Variants in STXBP6 observed in about 807,000 individuals in gnomAD.
The protein encoded by STXBP6 is syntaxin-binding protein 6.
Under a neutral mutation model 26.9 loss-of-function variants are expected in STXBP6, and 21 were observed. That is an observed-to-expected ratio of 0.78 (90% CI 0.55 to 1.12). The LOEUF (loss-of-function observed/expected upper bound fraction) is 1.12, where lower values mean the gene tolerates loss of function less well. Among genes scored for constraint, STXBP6 ranks in the 50% most tolerant of loss-of-function variants. The pLI is 0.00. For synonymous variants in STXBP6, 97 were observed against 92.6 expected (o/e 1.05, Z -0.27); for missense variants, 232 against 257.9 (o/e 0.90, Z 0.69).
chr14:24,898,797 T>G (rs2071096918), intron 2 of STXBP6, among the ~76,000 whole-genome samples: 1 of 151,218 alleles, frequency 6.6e-6, no homozygotes. Context: ...TTTAAAGGCA[T>G]TTATGTTTAT....
At chr14:25,018,746 TG>T (rs2075206532) in intron 1 of STXBP6, among the ~76,000 whole-genome samples, 1 of 152,254 alleles carries the variant, frequency 6.6e-6, no homozygotes, top group Admixed American at 6.5e-5. Flanking sequence ...CTGTAGATGC[TG>T]AAGTCTGTTT....
chr14:24,990,313 G>A (rs576307037), intron 1 of STXBP6, among the ~76,000 whole-genome samples: 42 of 152,266 alleles, frequency 2.8e-4, no homozygotes, highest in Non-Finnish European at 5.1e-4. Flanking sequence ...GGAGAGTTGA[G>A]AAAGGCCCGA....
At chr14:25,022,388 G>A (rs1041736869) in intron 1 of STXBP6, among the ~76,000 whole-genome samples, 1 of 152,180 alleles carries the variant, frequency 6.6e-6, no homozygotes, top group African/African-American at 2.4e-5. Flanking sequence ...AATTCCCTGT[G>A]ATTGGGCCAA....
rs989663909 is a variant in STXBP6 at position 24,812,793 on chromosome 14, T to G, written c.610-61A>C. 5 of 1,535,516 alleles carry G rather than the reference T, an allele frequency of 3.3e-6. No homozygotes were observed. The African/African-American group carries it at 6.8e-5, about 21-fold the overall frequency. On this transcript the variant is annotated intron_variant, in intron 5 of 5. Coordinates refer to ENST00000323944, the MANE Select transcript of STXBP6 (RefSeq NM_001394410.1). Reference sequence around the variant, plus strand: ...ATTAGCAGGTATTAGCAGAGAGATTTCACTGTGCTGCTCCCTCTCCACCTC... The same window carrying G: ...ATTAGCAGGTATTAGCAGAGAGATTGCACTGTGCTGCTCCCTCTCCACCTC...
chr14:24,874,083 C>T (rs1322735362), intron 2 of STXBP6, among the ~76,000 whole-genome samples: 4 of 152,084 alleles, frequency 2.6e-5, no homozygotes, highest in African/African-American at 7.2e-5. Context: ...ACGGGAACTT[C>T]CAAATTTTAA....
At chr14:25,013,466 TCACACACACA>T (rs3219652) in intron 1 of STXBP6, among the ~76,000 whole-genome samples, 3 of 143,254 alleles carry the variant, frequency 2.1e-5, no homozygotes, top group Non-Finnish European at 3.1e-5. Flanking sequence ...CATCTCTCTT[TCACACACACA>T]CACACACACA....
chr14:24,812,817 T>A, intron 5 of STXBP6, 85 bp from the exon 6 acceptor site: 5 of 1,316,246 alleles, frequency 3.8e-6, no homozygotes, highest in Non-Finnish European at 3.3e-6. Context: ...CCTCTCCACC[T>A]CCACAATGAG....
chr14:24,870,696 CATTTAAATG>C (rs1283079429), intron 2 of STXBP6, among the ~76,000 whole-genome samples: 1 of 152,154 alleles, frequency 6.6e-6, no homozygotes, highest in African/African-American at 2.4e-5. Flanking sequence ...TGAAATTTGT[CATTTAAATG>C]GTCTCCAGTT....
chr14:24,853,290 G>T (rs1227989435), intron 4 of STXBP6, among the ~76,000 whole-genome samples: 1 of 152,062 alleles, frequency 6.6e-6, no homozygotes, highest in Non-Finnish European at 1.5e-5. Context: ...TCAGAAGTGT[G>T]ATAGCTGGCA....
rs1485363600 is a variant in STXBP6, at chr14:24,932,678, A to G, written c.154+41987T>C. On this transcript the variant is annotated intron_variant, in intron 2 of 5. Coordinates refer to ENST00000323944, the MANE Select transcript of STXBP6 (RefSeq NM_001394410.1). ...AGATGGTGGCTTGGAATCGTGTAGT[A>G]GCAGTTAAATGGATAGAAAGGGGTG... 3.9e-5 allele frequency among the ~76,000 whole-genome samples: 6 copies of G among 152,182 alleles called. No homozygotes were observed. The East Asian group carries it at 1.2e-3, about 29-fold the overall frequency.
At chr14:24,812,947 A>G (rs1485209982) in intron 5 of STXBP6, among the ~76,000 whole-genome samples, 2 of 152,080 alleles carry the variant, frequency 1.3e-5, no homozygotes, top group Non-Finnish European at 2.9e-5. Flanking sequence ...ACTTTTCCTT[A>G]TGATAGCTTT....
At chr14:24,994,100 C>A (rs1331469922) in intron 1 of STXBP6, among the ~76,000 whole-genome samples, 1 of 152,172 alleles carries the variant, frequency 6.6e-6, no homozygotes, top group Non-Finnish European at 1.5e-5. Flanking sequence ...CAGGTAGTAT[C>A]TGAAATACAT....
chr14:24,896,410 A>C (rs1266407004), intron 2 of STXBP6, among the ~76,000 whole-genome samples: 1 of 152,120 alleles, frequency 6.6e-6, no homozygotes, highest in Non-Finnish European at 1.5e-5. Flanking sequence ...CCTCCTATTC[A>C]AGGAGGGTTT....
At chr14:24,960,049 G>A (rs1326993818) in intron 2 of STXBP6, among the ~76,000 whole-genome samples, 1 of 152,196 alleles carries the variant, frequency 6.6e-6, no homozygotes, top group Non-Finnish European at 1.5e-5. Flanking sequence ...ACCCCTGAAA[G>A]GAGAACCATC....
chr14:25,008,632 C>G (rs1302945729), intron 1 of STXBP6, among the ~76,000 whole-genome samples: 1 of 152,156 alleles, frequency 6.6e-6, no homozygotes, highest in African/African-American at 2.4e-5. Flanking sequence ...TGGAGAACAG[C>G]GTCTATTGGC....
intron 2 of STXBP6, among the ~76,000 whole-genome samples, chr14:24,936,471 A>T (rs539532172): frequency 6.6e-6 from 1 of 152,342 alleles, no homozygotes; most frequent in East Asian, 1.9e-4. Context: ...AAATCTCTTC[A>T]CTTTGCAAAT....
rs1391670427 is a variant in STXBP6, at chr14:24,958,050, C to CT, written c.154+16614dup. ...GACTTCCAAGCATACACAAAGAACT[C>CT]TATCTTTTTAAAACTCATTAGAAAT... is the stretch of plus-strand genomic sequence containing the variant. On this transcript the variant is annotated intron_variant, in intron 2 of 5. Transcript: ENST00000323944. Among the ~76,000 whole-genome samples the CT allele has an allele frequency of 2.0e-5, 3 of 152,152 alleles. No homozygotes were observed. In the East Asian group the frequency reaches 5.8e-4, roughly 29 times the overall value.
At chr14:24,837,473 T>C (rs1314306021) in intron 4 of STXBP6, among the ~76,000 whole-genome samples, 1 of 152,214 alleles carries the variant, frequency 6.6e-6, no homozygotes, top group East Asian at 1.9e-4. Flanking sequence ...CATTTGTGTA[T>C]ATGCTTTAGT....
At chr14:24,991,730 A>G (rs2074479986) in intron 1 of STXBP6, among the ~76,000 whole-genome samples, 1 of 152,232 alleles carries the variant, frequency 6.6e-6, no homozygotes, top group Non-Finnish European at 1.5e-5. Flanking sequence ...AAAGAAAAGG[A>G]AAGAATGCCT....
Sources: gnomAD v4.1 joint callset for allele counts (sites outside exome capture counted in the v4.1 genomes callset) on GRCh38, gnomAD v4.1.1 for gene constraint, MANE v1.5 for transcripts, NCBI Gene and HGNC (gene_info 2026-07-23, HGNC 2026-07-21) for gene names.